ZNF827: variants seen among roughly 807,000 people sequenced by gnomAD.
ZNF827 encodes zinc finger protein 827.
Under a neutral mutation model 102.4 loss-of-function variants are expected in ZNF827, and 13 were observed. The ratio of observed to expected loss-of-function variants is 0.13; its 90% CI spans 0.08 to 0.20. The LOEUF (loss-of-function observed/expected upper bound fraction) is 0.20. ZNF827 is among the 10% of genes least tolerant of loss of function. The probability of loss-of-function intolerance (pLI) is 1.00; values close to 1 mark genes in which losing one functional copy is unlikely to be tolerated. For missense variants in ZNF827, 1,103 were observed against 1,344.4 expected (o/e 0.82, Z 2.81); for synonymous variants, 523 against 536.2 (o/e 0.98, Z 0.34).
At chr4:145,923,853 C>T (rs369599266) in intron 1 of ZNF827, among the ~76,000 whole-genome samples, 14 of 152,266 alleles carry the variant, frequency 9.2e-5, no homozygotes, top group East Asian at 3.9e-4. Flanking sequence ...ACAATGCATA[C>T]GCACAAAAGG....
In ZNF827 at chr4:145,938,722, G is replaced by T; in HGVS notation, c.-315C>A. The T allele has an allele frequency of 2.9e-6, 1 of 345,120 alleles. No homozygotes were observed. Among genetic ancestry groups the T allele is most frequent in the Non-Finnish European group, 5.3e-6 (1 of 187,826 alleles). 21.4% of individuals were successfully genotyped at this position (345,120 alleles called of 1,614,324 possible). A position where few individuals can be genotyped will look rare whatever the true frequency, so the allele number is the denominator to read the frequency against. ...ATCTAATAGGTGTGAGTGTGTGTGT[G>T]TCCTATGCTCGCGTGTGTGATGGGA... On this transcript the variant is annotated 5_prime_UTR_variant, in exon 1 of 15. Transcript: ENST00000508784.
chr4:145,802,840 G>C (rs889606034), intron 8 of ZNF827, among the ~76,000 whole-genome samples: 3 of 152,146 alleles, frequency 2.0e-5, no homozygotes, highest in African/African-American at 7.2e-5. Flanking sequence ...CTACTCGGGA[G>C]GCTGAGGCAG....
intron 8 of ZNF827, among the ~76,000 whole-genome samples, chr4:145,819,105 G>GT (rs145693693): frequency 0.04 from 5,831 of 145,120 alleles, 168 homozygotes; most frequent in Non-Finnish European, 0.057. Flanking sequence ...AACAACGTGA[G>GT]TTTTTTTTTT....
intron 8 of ZNF827, chr4:145,820,068 C>T (rs1467424441): frequency 6.6e-6 from 1 of 152,594 alleles, no homozygotes; most frequent in Non-Finnish European, 1.5e-5. Flanking sequence ...TGCAATCCCC[C>T]TCACTGCTGG....
At chr4:145,826,186 T>C (rs551246864) in intron 7 of ZNF827, among the ~76,000 whole-genome samples, 1 of 152,354 alleles carries the variant, frequency 6.6e-6, no homozygotes, top group South Asian at 2.1e-4. Flanking sequence ...GAATTTCATA[T>C]TGGTTACTTC....
intron 1 of ZNF827, among the ~76,000 whole-genome samples, chr4:145,918,430 G>A (rs1372599758): frequency 8.4e-5 from 12 of 142,446 alleles, no homozygotes; most frequent in South Asian, 2.2e-4. Flanking sequence ...AAAAAAAGCG[G>A]AATGGTGCTC....
At chr4:145,764,832 C>T in intron 13 of ZNF827, 156 bp downstream of exon 13, 1 of 960,406 alleles carries the variant, frequency 1.0e-6, no homozygotes, top group East Asian at 2.5e-5. Context: ...CTAATTCAAT[C>T]CAGCTAAAGG....
chr4:145,781,227 A>AAAAAAAAAAAAAAAAAAAAAAC (rs1738000520), intron 8 of ZNF827, among the ~76,000 whole-genome samples: 1 of 134,498 alleles, frequency 7.4e-6, no homozygotes, highest in Non-Finnish European at 1.6e-5. Context: ...AGAAAAAAAA[A>AAAAAAAAAAAAAAAAAAAAAAC]GAAAAAAAAA....
rs796496448 is a variant in ZNF827 at position 145,837,801 on chromosome 4, G to A, written c.2279+8155C>T. ...TTAGCTTTTCAATTCATACAAAACC[G>A]TATCCAGGCCATCACCAATCATTCT... On this transcript the variant is annotated intron_variant, in intron 7 of 14. Coordinates refer to ENST00000508784, the MANE Select transcript of ZNF827 (RefSeq NM_001306215.2). 3.0e-4 allele frequency among the ~76,000 whole-genome samples: 45 copies of A among 152,014 alleles called. 1 individual carries two copies. Among genetic ancestry groups the A allele is most frequent in the African/African-American group, 8.2e-4 (34 of 41,418 alleles).
At chr4:145,850,712 T>C (rs781334447) in intron 5 of ZNF827, among the ~76,000 whole-genome samples, 45 of 152,102 alleles carry the variant, frequency 3.0e-4, no homozygotes, top group Non-Finnish European at 5.4e-4. Flanking sequence ...AAATTAATAA[T>C]AATAATTAGG....
At chr4:145,910,980 A>G (rs1370132691) in intron 1 of ZNF827, among the ~76,000 whole-genome samples, 1 of 152,218 alleles carries the variant, frequency 6.6e-6, no homozygotes, top group Non-Finnish European at 1.5e-5. Flanking sequence ...CTGAACACAG[A>G]GCAGGCAGTC....
chr4:145,831,588 T>G (rs1744213614), intron 7 of ZNF827: 1 of 152,258 alleles, frequency 6.6e-6, no homozygotes, highest in South Asian at 2.1e-4. Flanking sequence ...CTCCTCCAAT[T>G]CCGTTGATGC....
chr4:145,819,669 A>G (rs1742954285), intron 8 of ZNF827, among the ~76,000 whole-genome samples: 1 of 152,352 alleles, frequency 6.6e-6, no homozygotes, highest in East Asian at 1.9e-4. Context: ...AGTCACCAGC[A>G]GCAACATCAC....
At chr4:145,820,989 C>T (rs1743087746) in intron 8 of ZNF827, among the ~76,000 whole-genome samples, 1 of 152,166 alleles carries the variant, frequency 6.6e-6, no homozygotes. Flanking sequence ...AATGTAGATT[C>T]ATAATATTTA....
At chr4:145,827,045 C>T (rs770345401) in intron 7 of ZNF827, among the ~76,000 whole-genome samples, 16 of 151,784 alleles carry the variant, frequency 1.1e-4, no homozygotes, top group Non-Finnish European at 1.6e-4. Context: ...CCACGCCCTG[C>T]CAACCACTGT....
chr4:145,938,673 C>T lies in ZNF827; in HGVS notation c.-266G>A, dbSNP rs1754413722. On this transcript the variant is annotated 5_prime_UTR_variant, in exon 1 of 15. Transcript: ENST00000508784. ...GTCGTGCACCTGGCTTGTCCCCGAG[C>T]GTAATATTCTTCAATGGAAACGGAT... is the stretch of plus-strand genomic sequence containing the variant. The T allele has an allele frequency of 1.4e-5, 7 of 492,962 alleles. No individual in the cohort carries two copies. The highest frequency in any genetic ancestry group is 6.7e-5 in the Admixed American group (2 of 29,636). 30.5% of individuals were successfully genotyped at this position (492,962 alleles called of 1,614,324 possible).
Position 145,763,148 on chromosome 4 carries a change from T to C in ZNF827, c.3231-26A>G, listed in dbSNP as rs1262108705. On this transcript the variant is annotated intron_variant, in intron 13 of 14. Coordinates refer to ENST00000508784, the MANE Select transcript of ZNF827 (RefSeq NM_001306215.2). This position sits in a 1 kb window ranked among gnomAD's most constrained non-coding sequence, Gnocchi z 4.6. The stretch of plus-strand genomic sequence containing the variant: ...CTACGGCAAAAGAAAAATAATAGTA[T>C]AATCTTATTTGATCTGCATTATGAA... 2.0e-6 allele frequency: 3 copies of C among 1,535,800 alleles called. No individual in the cohort carries two copies. Among genetic ancestry groups the C allele is most frequent in the South Asian group, 2.4e-5 (2 of 84,028 alleles).
chr4:145,807,399 G>A (rs565388329), intron 8 of ZNF827, among the ~76,000 whole-genome samples: 1 of 151,492 alleles, frequency 6.6e-6, no homozygotes, highest in African/African-American at 2.4e-5. Context: ...GTGGTAGGGG[G>A]AAACAAAACT....
chr4:145,806,175 AGGGTCT>A (rs1741420780), intron 8 of ZNF827, among the ~76,000 whole-genome samples: 1 of 131,314 alleles, frequency 7.6e-6, no homozygotes, highest in Non-Finnish European at 1.6e-5. Context: ...TTTTTGAAAT[AGGGTCT>A]GGGTCTGTTG....
Sources: gnomAD v4.1 joint callset for allele counts (sites outside exome capture counted in the v4.1 genomes callset) on GRCh38, gnomAD v4.1.1 for gene constraint, Gnocchi (gnomAD v3.1) non-coding constraint, MANE v1.5 for transcripts, NCBI Gene and HGNC (gene_info 2026-07-23, HGNC 2026-07-21) for gene names.